The following KLF12 variants were observed in gnomAD, a reference collection of about 807,000 sequenced individuals.
KLF12 encodes KLF transcription factor 12.
A neutral mutation model predicts 37.8 loss-of-function variants in KLF12; 9 were observed. The ratio of observed to expected loss-of-function variants is 0.24; its 90% CI spans 0.14 to 0.42. KLF12 has a LOEUF of 0.42. Among genes scored for constraint, KLF12 ranks in the 10% least tolerant of loss-of-function variants. The pLI is 1.00. For missense variants in KLF12, 411 were observed against 516.0 expected (o/e 0.80, Z 1.97); for synonymous variants, 208 against 202.1 (o/e 1.03, Z -0.25).
intron 3 of KLF12, among the ~76,000 whole-genome samples, chr13:73,912,249 G>C (rs1888603882): frequency 6.6e-6 from 1 of 152,022 alleles, no homozygotes; most frequent in South Asian, 2.1e-4. Context: ...CCACTGTGTG[G>C]CCTTCCTTTA....
Position 73,686,104 on chromosome 13 carries a change from A to G in KLF12, c.*9386T>C, listed in dbSNP as rs1159416470. The G allele has an allele frequency of 6.6e-6, 1 of 152,646 alleles. No individual in the cohort carries two copies. Among genetic ancestry groups the G allele is most frequent in the Non-Finnish European group, 1.5e-5 (1 of 68,026 alleles). 9.5% of individuals were successfully genotyped at this position (152,646 alleles called of 1,614,324 possible). On this transcript the variant is annotated 3_prime_UTR_variant, in exon 8 of 8. Transcript: ENST00000377669. ...AGTTAGGGAGTTTTGTTCCATACAAAATGCTTTATTTAACCTTCATGCCTT... is the reference window on the plus strand; with the variant it reads ...AGTTAGGGAGTTTTGTTCCATACAAGATGCTTTATTTAACCTTCATGCCTT...
At chr13:74,239,513 G>A in the KLF12 span, among the ~76,000 whole-genome samples, 3,630 of 116,470 alleles carry the variant, frequency 0.031, 132 homozygotes, top group African/African-American at 0.1. Flanking sequence ...TTTCTGTCTC[G>A]TTGATCTGTC....
chr13:73,771,086 A>C lies in KLF12; in HGVS notation c.807-6086T>G, dbSNP rs566038106. On this transcript the variant is annotated intron_variant, in intron 5 of 7. Coordinates refer to ENST00000377669, the MANE Select transcript of KLF12 (RefSeq NM_007249.5). The stretch of plus-strand genomic sequence containing the variant: ...TAGATGTTCTCCTCTCTCCCTGCTA[A>C]GGTGATTAGCTGATGCTCAACTGTA... Among the ~76,000 whole-genome samples the C allele has an allele frequency of 7.2e-5, 11 of 152,134 alleles. No homozygotes were observed. The South Asian group carries it at 2.3e-3, about 32-fold the overall frequency.
At chr13:74,042,187 C>T (rs1211554419) in intron 1 of KLF12, among the ~76,000 whole-genome samples, 6 of 151,718 alleles carry the variant, frequency 4.0e-5, no homozygotes, top group Admixed American at 1.3e-4. Flanking sequence ...ACCTGTAATC[C>T]CAGCTACTCA....
At chr13:74,175,082 G>A in the KLF12 span, among the ~76,000 whole-genome samples, 1 of 152,148 alleles carries the variant, frequency 6.6e-6, no homozygotes, top group Non-Finnish European at 1.5e-5. Flanking sequence ...ACTGCCACCA[G>A]TACTGCTTTG....
intron 6 of KLF12, 103 bp from the exon 7 acceptor site, chr13:73,715,628 C>T (rs940932151): frequency 1.8e-6 from 2 of 1,142,350 alleles, no homozygotes; most frequent in Non-Finnish European, 2.5e-6. Flanking sequence ...TTCACAGACT[C>T]AAGGCCACCA....
chr13:73,890,438 T>C lies in KLF12; in HGVS notation c.124-44065A>G, dbSNP rs1887449206. ...AAAGAAATAATCCTTTTTATCTCAC[T>C]GTTATTTTAAAAAATCACCTTACAT... On this transcript the variant is annotated intron_variant, in intron 3 of 7. Transcript: ENST00000377669. Among the ~76,000 whole-genome samples, 3 of 152,286 alleles carry C rather than the reference T, an allele frequency of 2.0e-5. No individual in the cohort carries two copies. In the South Asian group the frequency reaches 6.2e-4, roughly 32 times the overall value.
intron 3 of KLF12, among the ~76,000 whole-genome samples, chr13:73,900,725 G>T (rs1888000146): frequency 6.6e-6 from 1 of 151,812 alleles, no homozygotes; most frequent in South Asian, 2.1e-4. Flanking sequence ...TCATTCTGCT[G>T]CCAAAATTAG....
chr13:73,776,405 T>G (rs1194358676), intron 5 of KLF12, among the ~76,000 whole-genome samples: 2 of 152,210 alleles, frequency 1.3e-5, no homozygotes, highest in African/African-American at 4.8e-5. Flanking sequence ...CCTTGGCATC[T>G]GAGTGTAAGA....
chr13:73,980,591 T>C (rs557861470), intron 2 of KLF12, among the ~76,000 whole-genome samples: 79 of 152,070 alleles, frequency 5.2e-4, no homozygotes, highest in Non-Finnish European at 1.0e-3. Context: ...GAGAAAATAA[T>C]TTCTATACAT....
intron 1 of KLF12, among the ~76,000 whole-genome samples, chr13:74,114,340 T>G (rs1301909165): frequency 6.6e-6 from 1 of 152,086 alleles, no homozygotes; most frequent in Non-Finnish European, 1.5e-5. Flanking sequence ...GGCATGTAGG[T>G]TTTTTTTCAT....
the KLF12 span, among the ~76,000 whole-genome samples, chr13:74,262,964 G>T: frequency 1.3e-5 from 2 of 151,968 alleles, no homozygotes; most frequent in Non-Finnish European, 2.9e-5. Flanking sequence ...TTTTTAAAAG[G>T]TTGAAAATAC....
the KLF12 span, among the ~76,000 whole-genome samples, chr13:74,277,172 A>G: frequency 1.3e-5 from 2 of 152,276 alleles, no homozygotes; most frequent in South Asian, 2.1e-4. Context: ...TATATTATAC[A>G]TGTCTTCACA....
intron 2 of KLF12, among the ~76,000 whole-genome samples, chr13:73,952,378 C>T (rs767686972): frequency 9.2e-5 from 14 of 151,988 alleles, no homozygotes; most frequent in Non-Finnish European, 1.6e-4. Flanking sequence ...AGGAAGAGAG[C>T]GAAGGGGGAG....
At chr13:73,789,731 C>A (rs545540728) in intron 5 of KLF12, among the ~76,000 whole-genome samples, 45 of 149,246 alleles carry the variant, frequency 3.0e-4, no homozygotes, top group African/African-American at 1.1e-3. Flanking sequence ...GGCTGGAGTG[C>A]GGTGGTGCCA....
intron 3 of KLF12, among the ~76,000 whole-genome samples, chr13:73,855,976 G>A (rs761253479): frequency 6.6e-6 from 1 of 152,204 alleles, no homozygotes; most frequent in Non-Finnish European, 1.5e-5. Flanking sequence ...GAGGATCCCA[G>A]AGGGTGACAC....
At chr13:73,886,817 C>A (rs527525244) in intron 3 of KLF12, among the ~76,000 whole-genome samples, 1 of 151,936 alleles carries the variant, frequency 6.6e-6, no homozygotes, top group Non-Finnish European at 1.5e-5. Context: ...CATGGAGAAA[C>A]CCAGTCTCTA....
the KLF12 span, among the ~76,000 whole-genome samples, chr13:74,283,950 C>G: frequency 1.3e-5 from 2 of 151,376 alleles, no homozygotes; most frequent in Admixed American, 6.6e-5. Flanking sequence ...AGCTCCGCCT[C>G]CTGGGTTCAT....
chr13:74,163,701 A>G, the KLF12 span, among the ~76,000 whole-genome samples: 10 of 152,132 alleles, frequency 6.6e-5, no homozygotes, highest in Non-Finnish European at 1.3e-4. Flanking sequence ...TTAATTGCAT[A>G]TTTCAAAATA....
Sources: allele counts gnomAD v4.1 joint callset (sites outside exome capture counted in the v4.1 genomes callset), GRCh38; gene constraint gnomAD v4.1.1; transcripts MANE v1.5; gene names NCBI Gene and HGNC (gene_info 2026-07-23, HGNC 2026-07-21).